The following PARD3B variants were observed in gnomAD, a reference collection of about 807,000 sequenced individuals.
The protein encoded by PARD3B is partitioning defective 3 homolog B.
Under a neutral mutation model 130.2 loss-of-function variants are expected in PARD3B, and 103 were observed. The ratio of observed to expected loss-of-function variants is 0.79; its 90% CI spans 0.67 to 0.93. The LOEUF (loss-of-function observed/expected upper bound fraction) is 0.93. Ranked by LOEUF, PARD3B falls within the 40% of genes least tolerant of loss-of-function variation. PARD3B has a pLI of 0.00. For synonymous variants in PARD3B, 583 were observed against 553.2 expected, an observed-to-expected ratio of 1.05 and a Z score of -0.76; for missense variants, 1,609 against 1,499.2, an observed-to-expected ratio of 1.07 and a Z score of -1.21.
intron 19 of PARD3B, among the ~76,000 whole-genome samples, chr2:205,404,007 A>G (rs2046338106): frequency 6.6e-6 from 1 of 152,220 alleles, no homozygotes; most frequent in Non-Finnish European, 1.5e-5. Context: ...CACAAAACTT[A>G]CAAAAGCAAT....
At position 204,887,467 on chromosome 2, in the gene PARD3B, A is replaced by G. The variant is rs564861919; in HGVS notation, c.223-77685A>G. 7.9e-5 allele frequency among the ~76,000 whole-genome samples: 12 copies of G among 152,306 alleles called. No homozygotes were observed. The highest frequency in any genetic ancestry group is 2.6e-4 in the African/African-American group (11 of 41,550). ...GTCACTTTCGAGATAGCCTGTCTGC[A>G]TGTTGGCTAGTTGTAGCAAGTTTTA... On this transcript the variant is annotated intron_variant, in intron 2 of 22. Transcript: ENST00000406610. The surrounding 1 kb of genome is among the most constrained non-coding windows in gnomAD (Gnocchi z 4.2).
chr2:204,848,631 G>A (rs951199982), intron 2 of PARD3B, among the ~76,000 whole-genome samples: 2 of 150,248 alleles, frequency 1.3e-5, no homozygotes, highest in African/African-American at 5.0e-5. Context: ...GGATGATAGA[G>A]TGAGACTCTG....
intron 11 of PARD3B, among the ~76,000 whole-genome samples, chr2:205,161,375 A>G (rs2034494522): frequency 6.6e-6 from 1 of 152,174 alleles, no homozygotes. Context: ...CAGCATATTT[A>G]TAGCTGATCT....
chr2:204,812,848 A>C (rs1196002889), intron 2 of PARD3B, among the ~76,000 whole-genome samples: 1 of 152,008 alleles, frequency 6.6e-6, no homozygotes, highest in Non-Finnish European at 1.5e-5. Context: ...TATTCTAGGG[A>C]GACACTTAAA....
Position 205,116,244 on chromosome 2 carries a change from G to A in PARD3B, c.680+2667G>A, listed in dbSNP as rs553965382. Among the ~76,000 whole-genome samples the A allele has an allele frequency of 2.0e-5, 3 of 152,188 alleles. No homozygotes were observed. The highest frequency in any genetic ancestry group is 1.3e-4 in the Admixed American group (2 of 15,288). On this transcript the variant is annotated intron_variant, in intron 6 of 22. Transcript: ENST00000406610. This position sits in a 1 kb window ranked among gnomAD's most constrained non-coding sequence, Gnocchi z 4.5. The stretch of plus-strand genomic sequence containing the variant: ...GAATTAAAAACATGAAATCTAATTC[G>A]TTTCAGTACAGATGCATAATATGCC...
chr2:205,612,103 C>T (rs1157146055), intron 22 of PARD3B, among the ~76,000 whole-genome samples: 1 of 152,108 alleles, frequency 6.6e-6, no homozygotes, highest in African/African-American at 2.4e-5. Flanking sequence ...ATTTTAGCTG[C>T]CTTTTCTTCC....
chr2:205,545,842 A>ATATC (rs1199717469), intron 21 of PARD3B, among the ~76,000 whole-genome samples: 10 of 152,284 alleles, frequency 6.6e-5, no homozygotes, highest in East Asian at 1.9e-4. Flanking sequence ...AAAAGGCATT[A>ATATC]TATCTTCTCC....
chr2:205,032,918 C>T (rs1172533177), intron 3 of PARD3B, among the ~76,000 whole-genome samples: 1 of 152,180 alleles, frequency 6.6e-6, no homozygotes, highest in African/African-American at 2.4e-5. Context: ...GGATGTTTCT[C>T]ATCTATCAAG....
intron 2 of PARD3B, among the ~76,000 whole-genome samples, chr2:204,727,590 G>C (rs1024211339): frequency 6.6e-6 from 1 of 152,304 alleles, no homozygotes; most frequent in South Asian, 2.1e-4. Context: ...TGGCAGGCTG[G>C]AAAGGGTAGC....
chr2:205,322,615 A>G (rs1222832588), intron 18 of PARD3B, among the ~76,000 whole-genome samples: 2 of 152,176 alleles, frequency 1.3e-5, no homozygotes, highest in Non-Finnish European at 2.9e-5. Context: ...ATTTGTCCAT[A>G]TAGCTAACTG....
rs66692400 is a variant in PARD3B, at chr2:205,238,849, A to AATAT, written c.2141-6904_2141-6901dup. On this transcript the variant is annotated intron_variant, in intron 15 of 22. Coordinates refer to ENST00000406610, the MANE Select transcript of PARD3B (RefSeq NM_001302769.2). ...AAACTCCGTTTCAAAAAAAAAAAAAAATATATATATATATATATATATATA... is the reference window on the plus strand; with the variant it reads ...AAACTCCGTTTCAAAAAAAAAAAAAAATATATATATATATATATATATATATATA... Among the ~76,000 whole-genome samples, 127 of 76,890 alleles carry AATAT rather than the reference A, an allele frequency of 1.7e-3. 4 individuals are homozygous for AATAT. The highest frequency in any genetic ancestry group is 0.014 in the South Asian group (27 of 1,944). The allele number at this position is 76,890 out of a possible 152,430, so 50.4% of individuals were successfully genotyped here. A position where few individuals can be genotyped will look rare whatever the true frequency, so the allele number is the denominator to read the frequency against.
chr2:204,862,543 C>G (rs541809330), intron 2 of PARD3B, among the ~76,000 whole-genome samples: 4 of 152,128 alleles, frequency 2.6e-5, no homozygotes, highest in African/African-American at 9.7e-5. Context: ...CTCTGTAAAA[C>G]GTGAGGGTTG....
At chr2:205,406,997 C>T (rs147036766) in intron 19 of PARD3B, among the ~76,000 whole-genome samples, 1 of 152,188 alleles carries the variant, frequency 6.6e-6, no homozygotes, top group African/African-American at 2.4e-5. Flanking sequence ...GCTACTTTGT[C>T]CTTAGATGAT....
intron 21 of PARD3B, among the ~76,000 whole-genome samples, chr2:205,546,448 G>T (rs1442321707): frequency 6.6e-6 from 1 of 151,788 alleles, no homozygotes; most frequent in African/African-American, 2.4e-5. Flanking sequence ...TAAGATAAAG[G>T]GATTTAAAAA....
rs564616589 is a variant in PARD3B, at chr2:205,614,587, T to C, written c.3261-869T>C. Among the ~76,000 whole-genome samples the C allele has an allele frequency of 1.6e-4, 25 of 152,050 alleles. 1 individual carries two copies. Among genetic ancestry groups the C allele is most frequent in the African/African-American group, 6.0e-4 (25 of 41,468 alleles). ...CAGGTGTAGTGGTGGGCACCTGTAG[T>C]TCCATCTACTCGGTAGGCTGAGGTG... On this transcript the variant is annotated intron_variant, in intron 22 of 22. Coordinates refer to ENST00000406610, the MANE Select transcript of PARD3B (RefSeq NM_001302769.2).
In PARD3B at chr2:204,665,081, A is replaced by G. The variant is rs192437848; in HGVS notation, c.121-21100A>G. 3.6e-3 allele frequency among the ~76,000 whole-genome samples: 540 copies of G among 150,900 alleles called. 2 individuals carry two copies. The highest frequency in any genetic ancestry group is 0.02 in the South Asian group (97 of 4,772). ...TTCAGAATACTGCAGTGTGGTAATC[A>G]TGTTTGTGGCTATGATTTTCTTGTT... On this transcript the variant is annotated intron_variant, in intron 1 of 22. Coordinates refer to ENST00000406610, the MANE Select transcript of PARD3B (RefSeq NM_001302769.2).
chr2:205,418,450 C>CA (rs2106082380), intron 19 of PARD3B, among the ~76,000 whole-genome samples: 1 of 152,238 alleles, frequency 6.6e-6, no homozygotes, highest in Admixed American at 6.5e-5. Context: ...GAGACCAATA[C>CA]ACTAATTATA....
intron 1 of PARD3B, among the ~76,000 whole-genome samples, chr2:204,547,256 A>G (rs149235915): frequency 1.2e-4 from 19 of 152,354 alleles, no homozygotes; most frequent in African/African-American, 4.1e-4. Flanking sequence ...CTTTGCCTCC[A>G]TGAAGAATTA....
chr2:205,099,292 T>C (rs1024976115), intron 4 of PARD3B, among the ~76,000 whole-genome samples: 2 of 152,172 alleles, frequency 1.3e-5, no homozygotes, highest in African/African-American at 4.8e-5. Flanking sequence ...AGTTTGAGGA[T>C]TTGAAATCAC....
Sources: allele counts gnomAD v4.1 joint callset (sites outside exome capture counted in the v4.1 genomes callset), GRCh38; gene constraint gnomAD v4.1.1; non-coding constraint Gnocchi (gnomAD v3.1); transcripts MANE v1.5; gene names NCBI Gene and HGNC (gene_info 2026-07-23, HGNC 2026-07-21).